ITFG1: variants seen among roughly 807,000 people sequenced by gnomAD.
ITFG1 encodes T-cell immunomodulatory protein.
ITFG1 carries 34 observed loss-of-function variants against 81.8 expected under a neutral mutation model. That is an observed-to-expected ratio of 0.42 (90% CI 0.32 to 0.55). The LOEUF (loss-of-function observed/expected upper bound fraction) is 0.55, where lower values mean the gene tolerates loss of function less well. Among genes scored for constraint, ITFG1 ranks in the 20% least tolerant of loss-of-function variants. The probability of loss-of-function intolerance (pLI) is 0.17; values close to 1 mark genes in which losing one functional copy is unlikely to be tolerated. For missense variants in ITFG1, 672 were observed against 755.4 expected, an observed-to-expected ratio of 0.89 and a Z score of 1.29; for synonymous variants, 285 against 270.6, an observed-to-expected ratio of 1.05 and a Z score of -0.52.
At chr16:47,406,145 A>AT (rs1386608995) in intron 6 of ITFG1, among the ~76,000 whole-genome samples, 1 of 152,194 alleles carries the variant, frequency 6.6e-6, no homozygotes, top group East Asian at 1.9e-4. Flanking sequence ...AAGATCAACT[A>AT]TTTTTTAGAG....
intron 5 of ITFG1, among the ~76,000 whole-genome samples, chr16:47,434,829 T>G (rs1289539602): frequency 4.6e-5 from 7 of 152,094 alleles, no homozygotes; most frequent in Admixed American, 2.0e-4. Context: ...CCATGGAATA[T>G]GGAATATGAT....
intron 6 of ITFG1, among the ~76,000 whole-genome samples, chr16:47,389,390 G>A (rs1353999655): frequency 2.0e-5 from 3 of 149,336 alleles, no homozygotes; most frequent in South Asian, 2.1e-4. Flanking sequence ...ATATAGAAAT[G>A]TAATATATTT....
chr16:47,326,579 C>T (rs1375310542), intron 8 of ITFG1, among the ~76,000 whole-genome samples: 3 of 152,206 alleles, frequency 2.0e-5, no homozygotes, highest in African/African-American at 2.4e-5. Context: ...AAAACCCCAT[C>T]GTCTCAGCAC....
intron 10 of ITFG1, among the ~76,000 whole-genome samples, chr16:47,264,250 A>T (rs1444429569): frequency 6.6e-6 from 1 of 152,130 alleles, no homozygotes; most frequent in African/African-American, 2.4e-5. Context: ...CCTTAAAAAA[A>T]ACCTAATTGG....
intron 6 of ITFG1, among the ~76,000 whole-genome samples, chr16:47,394,345 AG>A (rs1460362749): frequency 2.0e-5 from 3 of 152,228 alleles, no homozygotes; most frequent in Non-Finnish European, 2.9e-5. Context: ...AGCAATTCTA[AG>A]ATGTCAAAAA....
chr16:47,279,885 T>C (rs1241109882), intron 10 of ITFG1, among the ~76,000 whole-genome samples: 1 of 152,180 alleles, frequency 6.6e-6, no homozygotes, highest in Non-Finnish European at 1.5e-5. Context: ...CTGCTTTAAA[T>C]TGGATTGTAT....
chr16:47,275,166 C>T (rs544483933), intron 10 of ITFG1, among the ~76,000 whole-genome samples: 9 of 152,112 alleles, frequency 5.9e-5, no homozygotes, highest in Admixed American at 5.9e-4. Flanking sequence ...CCACATGTAC[C>T]TGACATGTAT....
chr16:47,309,322 G>A (rs1166274935), intron 10 of ITFG1, among the ~76,000 whole-genome samples: 1 of 151,804 alleles, frequency 6.6e-6, no homozygotes, highest in African/African-American at 2.4e-5. Flanking sequence ...CGCGTGCCTC[G>A]GCCTCCCAAA....
intron 8 of ITFG1, among the ~76,000 whole-genome samples, chr16:47,348,887 G>T (rs1967903186): frequency 6.6e-6 from 1 of 152,240 alleles, no homozygotes; most frequent in Admixed American, 6.5e-5. Flanking sequence ...CAAGCCAGAA[G>T]AGAGTGGGGG....
At position 47,409,433 on chromosome 16, in the gene ITFG1, G is replaced by T. The variant is rs1354104927; in HGVS notation, c.655+19371C>A. 3.3e-3 allele frequency among the ~76,000 whole-genome samples: 9 copies of T among 2,738 alleles called. 1 individual carries two copies. The highest frequency in any genetic ancestry group is 0.011 in the South Asian group (1 of 92). 1.8% of individuals were successfully genotyped at this position (2,738 alleles called of 152,430 possible). A position where few individuals can be genotyped will look rare whatever the true frequency, so the allele number is the denominator to read the frequency against. ...TTTTTTTTTTTTTTTTTTTTTTTTT[G>T]GAGACAGAGTCTCACTCTGTCCCCC... On this transcript the variant is annotated intron_variant, in intron 6 of 17. Coordinates refer to ENST00000320640, the MANE Select transcript of ITFG1 (RefSeq NM_030790.5).
At chr16:47,295,365 A>G (rs1966967300) in intron 10 of ITFG1, among the ~76,000 whole-genome samples, 1 of 152,096 alleles carries the variant, frequency 6.6e-6, no homozygotes, top group Non-Finnish European at 1.5e-5. Context: ...ATTTTTTGGA[A>G]CAGTTTCAGT....
At chr16:47,326,138 C>A (rs1048291298) in intron 8 of ITFG1, among the ~76,000 whole-genome samples, 2 of 152,200 alleles carry the variant, frequency 1.3e-5, no homozygotes, top group African/African-American at 4.8e-5. Flanking sequence ...ATCAAGTGGG[C>A]ATCATCCCTG....
chr16:47,198,449 C>T (rs1044542809), intron 14 of ITFG1, among the ~76,000 whole-genome samples: 1 of 152,098 alleles, frequency 6.6e-6, no homozygotes, highest in African/African-American at 2.4e-5. Context: ...CAGGTGTATA[C>T]AAGTATAGCA....
At chr16:47,245,362 A>T (rs1199509149) in intron 12 of ITFG1, among the ~76,000 whole-genome samples, 1 of 152,112 alleles carries the variant, frequency 6.6e-6, no homozygotes, top group Non-Finnish European at 1.5e-5. Flanking sequence ...AAAAAAAAAA[A>T]TTATGTAGAT....
rs553470536 is a variant in ITFG1 at position 47,325,743 on chromosome 16, C to T, written c.803-11920G>A. On this transcript the variant is annotated intron_variant, in intron 8 of 17. Transcript: ENST00000320640. ...ATTTAGAAGAAATGGATAAATTCCT[C>T]GACACATACACCCTCCCAAGACTAA... 8.2e-3 allele frequency among the ~76,000 whole-genome samples: 1,249 copies of T among 152,110 alleles called. 16 individuals carry two copies. Among genetic ancestry groups the T allele is most frequent in the African/African-American group, 0.029 (1,202 of 41,524 alleles).
At chr16:47,326,562 T>C (rs1248650252) in intron 8 of ITFG1, among the ~76,000 whole-genome samples, 5 of 152,296 alleles carry the variant, frequency 3.3e-5, no homozygotes, top group Non-Finnish European at 5.9e-5. Flanking sequence ...CATGATTGTA[T>C]ATCTAGAAAA....
intron 6 of ITFG1, among the ~76,000 whole-genome samples, chr16:47,421,218 G>A (rs536468988): frequency 4.5e-4 from 67 of 149,568 alleles, no homozygotes; most frequent in Middle Eastern, 6.8e-3. Flanking sequence ...GTCTAAAAAC[G>A]TATGTGTGTG....
intron 14 of ITFG1, among the ~76,000 whole-genome samples, chr16:47,184,157 G>A (rs1965175540): frequency 6.6e-6 from 1 of 152,214 alleles, no homozygotes; most frequent in South Asian, 2.1e-4. Context: ...TGTGACTGGT[G>A]TACCTGAAAG....
In ITFG1 at chr16:47,260,586, T is replaced by C; in HGVS notation, c.1180A>G (p.Lys394Glu). Residue 394 changes from lysine to glutamate, a missense_variant, in exon 11 of 18, where the codon AAG becomes GAG. Physicochemically the swap from Lys to Glu is moderately conservative, Grantham distance 56. Around this residue, in one of 3 missense-constraint regions of ITFG1, gnomAD observed 560 missense variants for 625.7 expected, o/e 0.90. Coordinates refer to ENST00000320640, the MANE Select transcript of ITFG1 (RefSeq NM_030790.5). ...AAGAAGGTGGCAACCATGGCATCCT[T>C]AATTTGATTTAGGTCTGTCAGCTCC... ...YWELTDLNQI[K>E]DAMVATFFDI... 2 of 1,614,180 alleles carry C rather than the reference T, an allele frequency of 1.2e-6. No individual in the cohort carries two copies. The highest frequency in any genetic ancestry group is 1.7e-6 in the Non-Finnish European group (2 of 1,180,016).
Sources: allele counts gnomAD v4.1 joint callset (sites outside exome capture counted in the v4.1 genomes callset), GRCh38; gene constraint gnomAD v4.1.1; regional missense constraint gnomAD v4.1.1; transcripts MANE v1.5; gene names NCBI Gene and HGNC (gene_info 2026-07-23, HGNC 2026-07-21).